SYN3: variants seen among roughly 807,000 people sequenced by gnomAD.
SYN3 encodes the protein synapsin-3.
In SYN3, 35 loss-of-function variants were observed where a neutral mutation model predicts 65.8. The observed-to-expected ratio is 0.53, with a 90% CI of 0.41 to 0.70. The LOEUF is 0.70. Among genes scored for constraint, SYN3 ranks in the 30% least tolerant of loss-of-function variants. The pLI is 0.00. For synonymous variants in SYN3, 270 were observed against 292.9 expected (o/e 0.92, Z 0.80); for missense variants, 680 against 749.0 (o/e 0.91, Z 1.08).
intron 6 of SYN3, among the ~76,000 whole-genome samples, chr22:32,663,460 G>A (rs1053604660): frequency 8.6e-5 from 13 of 151,736 alleles, no homozygotes; most frequent in African/African-American, 1.7e-4. Context: ...CACCACGCCC[G>A]GCTAATTTTT....
intron 4 of SYN3, among the ~76,000 whole-genome samples, chr22:32,909,497 G>A (rs1257017942): frequency 1.3e-5 from 2 of 152,094 alleles, no homozygotes; most frequent in Non-Finnish European, 2.9e-5. Flanking sequence ...AGCTGTCTGC[G>A]GAAAGACCCC....
chr22:32,866,216 A>C (rs565448800), intron 5 of SYN3, among the ~76,000 whole-genome samples: 1 of 152,298 alleles, frequency 6.6e-6, no homozygotes, highest in South Asian at 2.1e-4. Flanking sequence ...GGAGTGGCCA[A>C]CCTGACTTGG....
At chr22:32,648,788 A>G (rs961826567) in intron 6 of SYN3, among the ~76,000 whole-genome samples, 3 of 152,224 alleles carry the variant, frequency 2.0e-5, no homozygotes, top group African/African-American at 7.2e-5. Context: ...GCTCACAGCA[A>G]ACAACTAAGA....
At chr22:32,528,530 C>T (rs949554563) in intron 11 of SYN3, among the ~76,000 whole-genome samples, 4 of 152,176 alleles carry the variant, frequency 2.6e-5, no homozygotes, top group East Asian at 3.9e-4. Flanking sequence ...CATATGCTCT[C>T]GCACACGCAC....
chr22:32,691,136 C>T (rs1290980969), intron 6 of SYN3, among the ~76,000 whole-genome samples: 2 of 152,210 alleles, frequency 1.3e-5, no homozygotes, highest in African/African-American at 4.8e-5. Context: ...ATTCCCCTCC[C>T]ACTCCTGCAG....
In SYN3 at chr22:32,988,306, A is replaced by AT. The variant is rs777520023; in HGVS notation, c.312-7605_312-7604insA. ...TGGCAACAGAGCAAGACTCTGTCTC[A>AT]AAATAATAATAATAATAATAATAAT... On this transcript the variant is annotated intron_variant, in intron 2 of 13. Transcript: ENST00000358763. 8.3e-3 allele frequency among the ~76,000 whole-genome samples: 771 copies of AT among 92,508 alleles called. 4 individuals carry two copies. Among genetic ancestry groups the AT allele is most frequent in the South Asian group, 0.039 (119 of 3,028 alleles). The allele number at this position is 92,508 out of a possible 152,430, so 60.7% of individuals were successfully genotyped here. A position where few individuals can be genotyped will look rare whatever the true frequency, so the allele number is the denominator to read the frequency against.
intron 6 of SYN3, among the ~76,000 whole-genome samples, chr22:32,620,978 A>G (rs2059586050): frequency 6.6e-6 from 1 of 152,176 alleles, no homozygotes; most frequent in African/African-American, 2.4e-5. Context: ...TCGGTCTCCC[A>G]AAGTGTTGGG....
At chr22:32,519,649 T>A (rs547955724) in intron 12 of SYN3, 1 of 152,260 alleles carries the variant, frequency 6.6e-6, no homozygotes, top group African/African-American at 2.4e-5. Context: ...CACCCAGAAA[T>A]GACTTTGAGT....
chr22:32,834,634 G>C (rs11703906), intron 6 of SYN3, among the ~76,000 whole-genome samples: 12,875 of 152,266 alleles, frequency 0.085, 588 homozygotes, highest in Middle Eastern at 0.12. Context: ...TGTGGCAATT[G>C]CTCTAGAGGA....
intron 6 of SYN3, among the ~76,000 whole-genome samples, chr22:32,610,790 C>T (rs1016482653): frequency 1.3e-5 from 2 of 152,186 alleles, no homozygotes; most frequent in Non-Finnish European, 2.9e-5. Flanking sequence ...CCATGTTGGT[C>T]AGGCTGGTCT....
Position 32,508,325 on chromosome 22 carries a change from A to G in SYN3, c.*5367T>C, listed in dbSNP as rs1315912944. 6.6e-5 allele frequency among the ~76,000 whole-genome samples: 10 copies of G among 152,090 alleles called. No individual in the cohort carries two copies. Among genetic ancestry groups the G allele is most frequent in the Admixed American group, 6.6e-4 (10 of 15,262 alleles). On this transcript the variant is annotated 3_prime_UTR_variant, in exon 14 of 14. Transcript: ENST00000358763. ...GACCCCCGCCCCTGCCCACCAGAGA[A>G]CAACCCCCTTTGCATGTAATTTTCC... is the stretch of plus-strand genomic sequence containing the variant.
intron 4 of SYN3, among the ~76,000 whole-genome samples, chr22:32,926,460 A>G (rs2050473785): frequency 6.6e-6 from 1 of 152,162 alleles, no homozygotes; most frequent in African/African-American, 2.4e-5. Flanking sequence ...ATTTAAAATT[A>G]TTTCTTCTAA....
At chr22:32,611,799 G>A (rs2059449422) in intron 6 of SYN3, among the ~76,000 whole-genome samples, 1 of 152,112 alleles carries the variant, frequency 6.6e-6, no homozygotes, top group Admixed American at 6.5e-5. Context: ...TTTCCTGAGT[G>A]ACAGGGGTGC....
intron 4 of SYN3, among the ~76,000 whole-genome samples, chr22:32,902,789 G>A (rs2049797296): frequency 6.6e-6 from 1 of 150,964 alleles, no homozygotes; most frequent in Admixed American, 6.6e-5. Flanking sequence ...TTCCACATCT[G>A]TTGGCAAATA....
At chr22:32,985,278 G>A (rs1260663771) in intron 2 of SYN3, among the ~76,000 whole-genome samples, 1 of 152,212 alleles carries the variant, frequency 6.6e-6, no homozygotes, top group Non-Finnish European at 1.5e-5. Context: ...AGAGCAAAGA[G>A]CTATCGAGTG....
chr22:32,728,295 G>A (rs1300232603), intron 6 of SYN3, among the ~76,000 whole-genome samples: 2 of 152,228 alleles, frequency 1.3e-5, no homozygotes, highest in Non-Finnish European at 2.9e-5. Flanking sequence ...TCATCAGGGT[G>A]AATGAAGTTT....
chr22:32,949,423 A>C (rs1314940723), intron 3 of SYN3, among the ~76,000 whole-genome samples: 1 of 152,076 alleles, frequency 6.6e-6, no homozygotes. Context: ...GTCAAAAAAA[A>C]AAAAAGTTTT....
chr22:32,834,874 G>T (rs1017263315), intron 6 of SYN3, among the ~76,000 whole-genome samples: 1 of 152,192 alleles, frequency 6.6e-6, no homozygotes, highest in African/African-American at 2.4e-5. Flanking sequence ...CAGTCCTAAA[G>T]AATCCTCCAT....
At chr22:32,777,009 G>A (rs2045923427) in intron 6 of SYN3, among the ~76,000 whole-genome samples, 1 of 152,080 alleles carries the variant, frequency 6.6e-6, no homozygotes, top group Non-Finnish European at 1.5e-5. Context: ...ATCACTAGAT[G>A]TCACGTGAGT....
Sources: allele counts gnomAD v4.1 joint callset (sites outside exome capture counted in the v4.1 genomes callset), GRCh38; gene constraint gnomAD v4.1.1; transcripts MANE v1.5; gene names NCBI Gene and HGNC (gene_info 2026-07-23, HGNC 2026-07-21).